GOLM1: variants seen among roughly 807,000 people sequenced by gnomAD.
GOLM1 encodes golgi membrane protein 1.
In GOLM1, 31 loss-of-function variants were observed where a neutral mutation model predicts 50.5. The ratio of observed to expected loss-of-function variants is 0.61; its 90% CI spans 0.46 to 0.83. The LOEUF (loss-of-function observed/expected upper bound fraction) is 0.83, where lower values mean the gene tolerates loss of function less well. Among genes scored for constraint, GOLM1 ranks in the 40% least tolerant of loss-of-function variants. The probability of loss-of-function intolerance (pLI) is 0.00; values close to 1 mark genes in which losing one functional copy is unlikely to be tolerated. For synonymous variants in GOLM1, 178 were observed against 192.8 expected, an observed-to-expected ratio of 0.92 and a Z score of 0.64; for missense variants, 491 against 501.3, an observed-to-expected ratio of 0.98 and a Z score of 0.20.
intron 8 of GOLM1, chr9:86,035,146 A>T: frequency 1.0e-6 from 1 of 985,428 alleles, no homozygotes; most frequent in Non-Finnish European, 1.2e-6. Context: ...CTCCCTGCCA[A>T]TATTGCATCT....
At chr9:86,033,872 C>T (rs1194460415) in intron 8 of GOLM1, among the ~76,000 whole-genome samples, 1 of 152,006 alleles carries the variant, frequency 6.6e-6, no homozygotes, top group Non-Finnish European at 1.5e-5. Context: ...TGGGCAGCAG[C>T]CAGAGAAGAT....
intron 6 of GOLM1, among the ~76,000 whole-genome samples, chr9:86,039,498 C>T (rs1382165506): frequency 6.6e-6 from 1 of 152,196 alleles, no homozygotes; most frequent in Non-Finnish European, 1.5e-5. Context: ...GCTTCATGTT[C>T]ATACGGCATT....
intron 3 of GOLM1, among the ~76,000 whole-genome samples, chr9:86,060,608 G>A (rs1358504132): frequency 2.0e-5 from 3 of 151,928 alleles, no homozygotes; most frequent in African/African-American, 4.8e-5. Context: ...CAGGCCGGGC[G>A]CAGCAGCTCA....
intron 7 of GOLM1, 60 bp from the exon 8 acceptor site, chr9:86,035,685 AAAAAAAAAGC>A: frequency 2.7e-6 from 4 of 1,469,320 alleles, no homozygotes; most frequent in Non-Finnish European, 3.7e-6. Context: ...AAAAAAAAAA[AAAAAAAAAGC>A]AAAACCTGGT....
At chr9:86,079,468 G>T in intron 1 of GOLM1, 127 bp from the exon 2 acceptor site, 2 of 685,596 alleles carry the variant, frequency 2.9e-6, no homozygotes, top group Non-Finnish European at 4.7e-6. Context: ...GCTTCTCCTT[G>T]ACGTGCAAAG....
intron 5 of GOLM1, 134 bp downstream of exon 5, chr9:86,046,336 G>A (rs1833539679): frequency 1.6e-6 from 1 of 631,620 alleles, no homozygotes. Flanking sequence ...AATCCTAGAG[G>A]GGCCCGTGCC....
chr9:86,055,943 T>C (rs897390163), intron 3 of GOLM1, among the ~76,000 whole-genome samples: 2 of 151,860 alleles, frequency 1.3e-5, no homozygotes, highest in African/African-American at 4.8e-5. Context: ...CCATGTTTCC[T>C]CTGGAAATCA....
chr9:86,027,160 T>C lies in GOLM1; in HGVS notation c.*657A>G. ...AATGTTCAAATTCTAAGCCACTTAA[T>C]AGCGTTTTGTACATTAAAAATGACA... On this transcript the variant is annotated 3_prime_UTR_variant, in exon 10 of 10. Coordinates refer to ENST00000388712, the MANE Select transcript of GOLM1 (RefSeq NM_016548.4). 1 of 985,432 alleles carries C rather than the reference T, an allele frequency of 1.0e-6. No individual in the cohort carries two copies. Among genetic ancestry groups the C allele is most frequent in the Non-Finnish European group, 1.2e-6 (1 of 829,896 alleles). The allele number at this position is 985,432 out of a possible 1,614,324, so 61.0% of individuals were successfully genotyped here. A position where few individuals can be genotyped will look rare whatever the true frequency, so the allele number is the denominator to read the frequency against.
Position 86,027,552 on chromosome 9 carries a change from C to A in GOLM1, c.*265G>T. The A allele has an allele frequency of 8.0e-7, 1 of 1,249,860 alleles. No homozygotes were observed. 77.4% of individuals were successfully genotyped at this position (1,249,860 alleles called of 1,614,324 possible). ...CCAACACTTGAAGGAGAACTATGTT[C>A]CAGTTTTGGTGTTGAACTTCTCACG... On this transcript the variant is annotated 3_prime_UTR_variant, in exon 10 of 10. Coordinates refer to ENST00000388712, the MANE Select transcript of GOLM1 (RefSeq NM_016548.4).
chr9:86,090,802 A>C (rs918630875), intron 1 of GOLM1, among the ~76,000 whole-genome samples: 46 of 151,312 alleles, frequency 3.0e-4, no homozygotes, highest in Non-Finnish European at 5.6e-4. Flanking sequence ...AAAAAAAAAA[A>C]AAAAAAAAAA....
Position 86,072,746 on chromosome 9 carries a change from A to AT in GOLM1, c.309+4665dup, listed in dbSNP as rs551275563. ...GCTCTGAGAAATGCATCATTATGAG[A>AT]TTTTGTCTTTGTGTAACCATCATAG... On this transcript the variant is annotated intron_variant, in intron 3 of 9. Transcript: ENST00000388712. Among the ~76,000 whole-genome samples, 629 of 152,268 alleles carry AT rather than the reference A, an allele frequency of 4.1e-3. 5 individuals carry two copies. Among genetic ancestry groups the AT allele is most frequent in the African/African-American group, 0.015 (603 of 41,544 alleles).
At chr9:86,028,944 G>T (rs189846056) in intron 9 of GOLM1, among the ~76,000 whole-genome samples, 1 of 151,058 alleles carries the variant, frequency 6.6e-6, no homozygotes, top group East Asian at 2.0e-4. Context: ...CACCTCCGGG[G>T]TTCACGCCAT....
intron 3 of GOLM1, among the ~76,000 whole-genome samples, chr9:86,067,293 C>CTTA (rs944087939): frequency 8.5e-5 from 13 of 152,214 alleles, no homozygotes; most frequent in Non-Finnish European, 1.8e-4. Flanking sequence ...CTGTGCCCTC[C>CTTA]TTAGGAGAGA....
Position 86,027,693 on chromosome 9 carries a change from C to T in GOLM1, c.*124G>A, listed in dbSNP as rs973837695. On this transcript the variant is annotated 3_prime_UTR_variant, in exon 10 of 10. Coordinates refer to ENST00000388712, the MANE Select transcript of GOLM1 (RefSeq NM_016548.4). ...ACACAAAGTGCATACTAAAATTTCACAATAATCATCTTCAGATGTACATTT... is the reference window on the plus strand; with the variant it reads ...ACACAAAGTGCATACTAAAATTTCATAATAATCATCTTCAGATGTACATTT... 2.1e-6 allele frequency: 3 copies of T among 1,427,954 alleles called. No homozygotes were observed. Among genetic ancestry groups the T allele is most frequent in the South Asian group, 1.6e-5 (1 of 62,754 alleles). 88.5% of individuals were successfully genotyped at this position (1,427,954 alleles called of 1,614,324 possible).
intron 3 of GOLM1, among the ~76,000 whole-genome samples, chr9:86,075,061 T>C (rs1314349622): frequency 6.6e-6 from 1 of 151,980 alleles, no homozygotes; most frequent in Admixed American, 6.5e-5. Flanking sequence ...ATTAGTGCCA[T>C]AAAAGAGGCC....
At chr9:86,045,394 C>G (rs552449755) in intron 5 of GOLM1, among the ~76,000 whole-genome samples, 1 of 150,694 alleles carries the variant, frequency 6.6e-6, no homozygotes, top group Admixed American at 6.6e-5. Flanking sequence ...AGAATATGGC[C>G]GGGCACAGTG....
At chr9:86,092,406 C>G (rs11141227) in intron 1 of GOLM1, among the ~76,000 whole-genome samples, 5,566 of 152,302 alleles carry the variant, frequency 0.037, 300 homozygotes, top group East Asian at 0.27. Context: ...AATAGCAGTA[C>G]CTGCCATTAC....
chr9:86,026,646 T>A lies in GOLM1; in HGVS notation c.*1171A>T, dbSNP rs774438806. On this transcript the variant is annotated 3_prime_UTR_variant, in exon 10 of 10. Transcript: ENST00000388712. ...TTACTGGGAAGTCAGTCATTAATGA[T>A]GTGGCCAGTTATTTGCAAGTGGTAA... 9 of 985,016 alleles carry A rather than the reference T, an allele frequency of 9.1e-6. No individual in the cohort carries two copies. The highest frequency in any genetic ancestry group is 9.6e-6 in the Non-Finnish European group (8 of 829,524). 61.0% of individuals were successfully genotyped at this position (985,016 alleles called of 1,614,324 possible).
intron 4 of GOLM1, 91 bp from the exon 5 acceptor site, chr9:86,046,663 G>T: frequency 1.3e-6 from 1 of 764,296 alleles, no homozygotes; most frequent in South Asian, 1.5e-5. Context: ...TCACACATCA[G>T]ACCATAAAGG....
Sources: gnomAD v4.1 joint callset for allele counts (sites outside exome capture counted in the v4.1 genomes callset) on GRCh38, gnomAD v4.1.1 for gene constraint, MANE v1.5 for transcripts, NCBI Gene and HGNC (gene_info 2026-07-23, HGNC 2026-07-21) for gene names.